DNAJC25: variants seen among roughly 807,000 people sequenced by gnomAD.
DNAJC25 encodes the protein DnaJ heat shock protein family (Hsp40) member C25.
Under a neutral mutation model 42.1 loss-of-function variants are expected in DNAJC25, and 26 were observed. The observed-to-expected ratio is 0.62, with a 90% confidence interval of 0.45 to 0.86. DNAJC25 has a LOEUF of 0.86. Ranked by LOEUF, DNAJC25 falls within the 40% of genes least tolerant of loss-of-function variation. DNAJC25 has a pLI of 0.00. For synonymous variants in DNAJC25, 189 were observed against 179.9 expected (o/e 1.05, Z -0.40); for missense variants, 404 against 459.4 (o/e 0.88, Z 1.10).
chr9:111,641,134 T>C (rs1589343516), intron 1 of DNAJC25, among the ~76,000 whole-genome samples: 2 of 83,810 alleles, frequency 2.4e-5, no homozygotes, highest in Non-Finnish European at 4.3e-5. Context: ...GATGGGGGGG[T>C]CAGCCCCCCC....
chr9:111,642,720 T>G lies in DNAJC25; in HGVS notation c.337-4387T>G, dbSNP rs186165438. The G allele has an allele frequency of 3.0e-3, 797 of 267,932 alleles. 4 individuals are homozygous for G. Among genetic ancestry groups the G allele is most frequent in the Middle Eastern group, 4.7e-3 (10 of 2,120 alleles). The allele number at this position is 267,932 out of a possible 1,614,324, so 16.6% of individuals were successfully genotyped here. A position where few individuals can be genotyped will look rare whatever the true frequency, so the allele number is the denominator to read the frequency against. ...TGAGATCAAACAATTCATGATTTCC[T>G]TCAAGGGCAGGAACATAATATATTT... On this transcript the variant is annotated intron_variant, in intron 1 of 3. Transcript: ENST00000313525.
rs1564088498 is a variant in DNAJC25, at chr9:111,653,261, ATAT to A, written c.*44_*46del. The A allele has an allele frequency of 3.3e-5, 48 of 1,436,848 alleles. No homozygotes were observed. Among genetic ancestry groups the A allele is most frequent in the Non-Finnish European group, 4.4e-5 (48 of 1,086,540 alleles). The allele number at this position is 1,436,848 out of a possible 1,614,324, so 89.0% of individuals were successfully genotyped here. A position where few individuals can be genotyped will look rare whatever the true frequency, so the allele number is the denominator to read the frequency against. The stretch of plus-strand genomic sequence containing the variant: ...GCTACTATGCCAAACCTTAATTGTG[ATAT>A]TATTTTCATAACTGAATTATTTTAG... On this transcript the variant is annotated 3_prime_UTR_variant, in exon 4 of 4. Transcript: ENST00000313525.
At position 111,649,822 on chromosome 9, in the gene DNAJC25, C is replaced by T. The variant is rs753374082; in HGVS notation, c.859C>T (p.Arg287Cys). 12 of 1,612,980 alleles carry T rather than the reference C, an allele frequency of 7.4e-6. No individual in the cohort carries two copies. Among genetic ancestry groups the T allele is most frequent in the African/African-American group, 2.7e-5 (2 of 74,788 alleles). ...AGAGGAAGAGAGATTATACATTATACGTAAATCTATGAAGATGTCAAAGTC... is the reference window on the plus strand; with the variant it reads ...AGAGGAAGAGAGATTATACATTATATGTAAATCTATGAAGATGTCAAAGTC... ...YGEEERLYII[R>C]KSMKMSKSQF... Residue 287 changes from arginine to cysteine, a missense_variant, in exon 3 of 4, where the codon CGT becomes TGT. Physicochemically the swap from Arg to Cys is radical, Grantham distance 180 (BLOSUM62 -3). Transcript: ENST00000313525.
At chr9:111,645,500 C>T (rs1291780252) in intron 1 of DNAJC25, among the ~76,000 whole-genome samples, 2 of 152,212 alleles carry the variant, frequency 1.3e-5, no homozygotes, top group Admixed American at 6.5e-5. Flanking sequence ...AGTTACCTGC[C>T]TGCCTTGGCC....
Position 111,649,529 on chromosome 9 carries a change from CAG to C in DNAJC25, c.570_571del (p.Glu190AspfsTer26), listed in dbSNP as rs760750830. The C allele has an allele frequency of 6.2e-7, 1 of 1,613,944 alleles. No homozygotes were observed. The highest frequency in any genetic ancestry group is 1.1e-5 in the South Asian group (1 of 91,054). Reference sequence around the variant, plus strand: ...GTGCCCAAGTACCGTATCCAAGCTACAGAGATTGCCAAGCAGCAGGGACTGCT... The same window carrying C: ...GTGCCCAAGTACCGTATCCAAGCTACAGATTGCCAAGCAGCAGGGACTGCT... On this transcript the variant is annotated frameshift_variant, in exon 3 of 4. Coordinates refer to ENST00000313525, the MANE Select transcript of DNAJC25 (RefSeq NM_001015882.3). LOFTEE classifies it high-confidence loss of function.
At chr9:111,638,436 TAGTC>T (rs1830396155) in intron 1 of DNAJC25, among the ~76,000 whole-genome samples, 1 of 152,226 alleles carries the variant, frequency 6.6e-6, no homozygotes, top group African/African-American at 2.4e-5. Flanking sequence ...TAAAATAGGT[TAGTC>T]AAAGACAAAG....
chr9:111,645,206 G>A (rs1830549772), intron 1 of DNAJC25, among the ~76,000 whole-genome samples: 1 of 152,032 alleles, frequency 6.6e-6, no homozygotes, highest in Non-Finnish European at 1.5e-5. Context: ...TTGTTTGAAT[G>A]TAATGAATAT....
Position 111,631,485 on chromosome 9 carries a change from G to A in DNAJC25, c.78G>A (p.Leu26=), listed in dbSNP as rs1830273557. 1 of 1,323,392 alleles carries A rather than the reference G, an allele frequency of 7.6e-7. No homozygotes were observed. The highest frequency in any genetic ancestry group is 9.6e-7 in the Non-Finnish European group (1 of 1,043,322). The allele number at this position is 1,323,392 out of a possible 1,614,324, so 82.0% of individuals were successfully genotyped here. A position where few individuals can be genotyped will look rare whatever the true frequency, so the allele number is the denominator to read the frequency against. The part of the protein sequence containing the change: ...GRRWWMLLAP[L]LPALLLVRPA... Reference sequence around the variant, plus strand: ...GCTGGTGGATGCTGCTGGCGCCCCTGCTGCCGGCGCTGCTGCTGGTGCGGC... The same window carrying A: ...GCTGGTGGATGCTGCTGGCGCCCCTACTGCCGGCGCTGCTGCTGGTGCGGC... The change falls in exon 1 of 4, where the codon CTG becomes CTA. Residue 26 remains leucine, a synonymous_variant. Coordinates refer to ENST00000313525, the MANE Select transcript of DNAJC25 (RefSeq NM_001015882.3).
chr9:111,650,299 TAAAAAAAAA>T (rs34802905), intron 3 of DNAJC25, among the ~76,000 whole-genome samples: 2 of 127,780 alleles, frequency 1.6e-5, no homozygotes, highest in Admixed American at 8.5e-5. Context: ...CACAGAGACT[TAAAAAAAAA>T]AAAAAACAAC....
chr9:111,652,951 T>C, intron 3 of DNAJC25, 149 bp from the exon 4 acceptor site: 4 of 602,560 alleles, frequency 6.6e-6, no homozygotes, highest in Non-Finnish European at 9.8e-6. Flanking sequence ...AAATGCTTAA[T>C]TGTTTAGTAT....
At chr9:111,647,574 C>T (rs1385511421) in intron 2 of DNAJC25, among the ~76,000 whole-genome samples, 2 of 152,156 alleles carry the variant, frequency 1.3e-5, no homozygotes, top group Admixed American at 6.5e-5. Flanking sequence ...AGGACTTTTC[C>T]ATGACTTACC....
chr9:111,640,954 G>T (rs1830447950), intron 1 of DNAJC25, among the ~76,000 whole-genome samples: 1 of 100,056 alleles, frequency 1.0e-5, no homozygotes, highest in African/African-American at 5.8e-5. Flanking sequence ...GGGAGGTGGG[G>T]GGGTCAGCCC....
At chr9:111,641,656 C>A (rs1236694146) in intron 1 of DNAJC25, among the ~76,000 whole-genome samples, 2,348 of 96,472 alleles carry the variant, frequency 0.024, no homozygotes, top group African/African-American at 0.048. Context: ...CGGCCAGCCG[C>A]CCCGTCCGGG....
chr9:111,642,856 GTCC>G, intron 1 of DNAJC25: 1 of 471,026 alleles, frequency 2.1e-6, no homozygotes, highest in South Asian at 1.5e-5. Context: ...TTATGTTCCA[GTCC>G]TCCTGCATAT....
chr9:111,641,670 G>C (rs1830470754), intron 1 of DNAJC25, among the ~76,000 whole-genome samples: 2 of 131,094 alleles, frequency 1.5e-5, no homozygotes, highest in African/African-American at 6.0e-5. Flanking sequence ...GTCCGGGAGG[G>C]AGGTGGGGGG....
At chr9:111,631,916 CG>C (rs532950827) in intron 1 of DNAJC25, among the ~76,000 whole-genome samples, 173 bp downstream of exon 1, 168 of 152,324 alleles carry the variant, frequency 1.1e-3, no homozygotes, top group Non-Finnish European at 2.1e-3. Context: ...AGAGCCGAGT[CG>C]GCCCCACGGG....
At position 111,653,895 on chromosome 9, in the gene DNAJC25, C is replaced by G. The variant is rs1394767601; in HGVS notation, c.*673C>G. On this transcript the variant is annotated 3_prime_UTR_variant, in exon 4 of 4. Transcript: ENST00000313525. The stretch of plus-strand genomic sequence containing the variant: ...CAGGAGAGTGAGTCTACCCTCACGT[C>G]CTTGTAGGATGATCTTGATTATAGT... 2 of 152,524 alleles carry G rather than the reference C, an allele frequency of 1.3e-5. No individual in the cohort carries two copies. Among genetic ancestry groups the G allele is most frequent in the Non-Finnish European group, 2.9e-5 (2 of 68,032 alleles). The allele number at this position is 152,524 out of a possible 1,614,324, so 9.4% of individuals were successfully genotyped here.
chr9:111,635,389 C>T (rs1364120193), intron 1 of DNAJC25, among the ~76,000 whole-genome samples: 1 of 152,258 alleles, frequency 6.6e-6, no homozygotes, highest in South Asian at 2.1e-4. Context: ...GTATGTGCAA[C>T]GCCCTCTGCC....
chr9:111,636,548 A>G (rs932763735), intron 1 of DNAJC25, among the ~76,000 whole-genome samples: 17 of 152,128 alleles, frequency 1.1e-4, no homozygotes, highest in African/African-American at 4.1e-4. Context: ...TTGAAATCCT[A>G]TGCTCAAGCA....
Sources: gnomAD v4.1 joint callset for allele counts (sites outside exome capture counted in the v4.1 genomes callset) on GRCh38, gnomAD v4.1.1 for gene constraint, MANE v1.5 for transcripts, NCBI Gene and HGNC (gene_info 2026-07-23, HGNC 2026-07-21) for gene names.